Variants in GCSAML observed in about 807,000 individuals in gnomAD.
GCSAML encodes the protein germinal center-associated signaling and motility-like protein.
In GCSAML, 9 loss-of-function variants were observed where a neutral mutation model predicts 13.0. That is an observed-to-expected ratio of 0.69 (90% CI 0.42 to 1.21). GCSAML has a LOEUF of 1.21. GCSAML is among the 50% of genes most tolerant of loss of function. The pLI, the probability that GCSAML is intolerant of heterozygous loss-of-function variation, is 0.00. For missense variants in GCSAML, 143 were observed against 153.4 expected, an observed-to-expected ratio of 0.93 and a Z score of 0.36; for synonymous variants, 37 against 52.9, an observed-to-expected ratio of 0.70 and a Z score of 1.31.
upstream of GCSAML, among the ~76,000 whole-genome samples, chr1:247,546,607 C>T (rs1667587984): frequency 6.6e-6 from 1 of 152,068 alleles, no homozygotes; most frequent in African/African-American, 2.4e-5. Context: ...ATGATCCACC[C>T]GCCTCGGCCT....
chr1:247,539,775 G>A (rs553337613), intron 2 of GCSAML, among the ~76,000 whole-genome samples: 1 of 152,144 alleles, frequency 6.6e-6, no homozygotes, highest in African/African-American at 2.4e-5. Flanking sequence ...TTTTTACAAC[G>A]AATCACCCTG....
At position 247,574,314 on chromosome 1, in the gene GCSAML, A is replaced by G; in HGVS notation, c.340A>G (p.Arg114Gly). ...GTCAGAGACAGAATATGCCCTTCTT[A>G]GGACTTCTGTTAGTAGGCCTTGTTC... ...ERSETEYALL[R>G]TSVSRPCSCT... The change falls in exon 5 of 5, where the codon AGG (arginine) becomes GGG (glycine). Residue 114 changes from arginine (R) to glycine (G), a missense_variant. Transcript: ENST00000366488. 1 of 1,614,010 alleles carries G rather than the reference A, an allele frequency of 6.2e-7. No homozygotes were observed. The highest frequency in any genetic ancestry group is 2.2e-5 in the East Asian group (1 of 44,866).
chr1:247,552,234 G>A (rs1166288141), intron 1 of GCSAML, among the ~76,000 whole-genome samples: 3 of 152,176 alleles, frequency 2.0e-5, no homozygotes, highest in Non-Finnish European at 1.5e-5. Context: ...CAAAGAGATG[G>A]TAAAGAGCTG....
chr1:247,540,889 A>G (rs771306489), intron 2 of GCSAML, among the ~76,000 whole-genome samples: 2 of 152,220 alleles, frequency 1.3e-5, no homozygotes, highest in African/African-American at 4.8e-5. Context: ...CCTGCAAGGA[A>G]AAAAACTCAA....
intron 2 of GCSAML, among the ~76,000 whole-genome samples, chr1:247,562,946 TC>T (rs536682339): frequency 1.9e-4 from 29 of 151,552 alleles, no homozygotes; most frequent in Non-Finnish European, 3.2e-4. Context: ...TTCAAGCAAT[TC>T]CCCTGCCTCA....
At chr1:247,548,007 A>G (rs1667636476), upstream of GCSAML, among the ~76,000 whole-genome samples, 1 of 152,214 alleles carries the variant, frequency 6.6e-6, no homozygotes, top group Non-Finnish European at 1.5e-5. This position sits in a 1 kb window ranked among gnomAD's most constrained non-coding sequence, Gnocchi z 5.3. Context: ...ACTTATAAAT[A>G]ATGATAAAGC....
At chr1:247,520,740 A>C (rs1304395761) in intron 1 of GCSAML, among the ~76,000 whole-genome samples, 2 of 152,170 alleles carry the variant, frequency 1.3e-5, no homozygotes, top group African/African-American at 4.8e-5. Flanking sequence ...CTGTTTCTTC[A>C]AGCAGGACAG....
chr1:247,549,339 G>T, intron 1 of GCSAML, 119 bp downstream of exon 1: 1 of 818,816 alleles, frequency 1.2e-6, no homozygotes, highest in East Asian at 2.6e-5. Context: ...TAAGCCTGAA[G>T]ACAGCATCCT....
chr1:247,556,297 CA>C, intron 1 of GCSAML, 109 bp from the exon 2 acceptor site: 1 of 749,374 alleles, frequency 1.3e-6, no homozygotes. Flanking sequence ...GGAAGTTTGT[CA>C]AAAAGAAAAG....
upstream of GCSAML, among the ~76,000 whole-genome samples, chr1:247,548,771 C>G (rs1667663574): frequency 6.6e-6 from 1 of 152,214 alleles, no homozygotes; most frequent in Non-Finnish European, 1.5e-5. This position sits in a 1 kb window ranked among gnomAD's most constrained non-coding sequence, Gnocchi z 5.3. Context: ...ATGCAACTCT[C>G]TTATTGCATT....
chr1:247,530,497 A>G (rs1015445272), intron 2 of GCSAML: 1 of 146,522 alleles, frequency 6.8e-6, no homozygotes, highest in African/African-American at 2.5e-5. Flanking sequence ...TCCCTGAACC[A>G]GTCCACAAAC....
intron 2 of GCSAML, chr1:247,530,627 T>G (rs1157278231): frequency 6.6e-6 from 1 of 152,144 alleles, no homozygotes; most frequent in African/African-American, 2.4e-5. Flanking sequence ...TCAGAACATC[T>G]AGAAGAAACA....
In GCSAML at chr1:247,549,177, A is replaced by G; in HGVS notation, c.-15A>G. 1.2e-6 allele frequency: 2 copies of G among 1,614,110 alleles called. No individual in the cohort carries two copies. Among genetic ancestry groups the G allele is most frequent in the Non-Finnish European group, 1.7e-6 (2 of 1,179,982 alleles). ...GTGAAACTCAGGAGCTGAGAAACCGAGTCACTGTGAAAAGATGGGAAATTA... is the reference window on the plus strand; with the variant it reads ...GTGAAACTCAGGAGCTGAGAAACCGGGTCACTGTGAAAAGATGGGAAATTA... On this transcript the variant is annotated 5_prime_UTR_variant, in exon 1 of 5. Transcript: ENST00000366488.
Position 247,574,419 on chromosome 1 carries a change from G to T in GCSAML, c.*37G>T. ...TGCTTTATCACCTTCCAGCAATGAA[G>T]ACAATGCAGAATAGCAGACTCTGGC... On this transcript the variant is annotated 3_prime_UTR_variant, in exon 5 of 5. Coordinates refer to ENST00000366488, the MANE Select transcript of GCSAML (RefSeq NM_145278.5). The T allele has an allele frequency of 6.2e-7, 1 of 1,608,006 alleles. No individual in the cohort carries two copies. Among genetic ancestry groups the T allele is most frequent in the Non-Finnish European group, 8.5e-7 (1 of 1,176,772 alleles).
intron 2 of GCSAML, among the ~76,000 whole-genome samples, chr1:247,537,546 C>T (rs911848908): frequency 2.0e-5 from 3 of 152,230 alleles, no homozygotes; most frequent in Admixed American, 1.3e-4. Flanking sequence ...CTATGAACAA[C>T]TTACTATTGA....
chr1:247,520,601 C>A (rs548178675), intron 1 of GCSAML, among the ~76,000 whole-genome samples: 1 of 152,116 alleles, frequency 6.6e-6, no homozygotes, highest in Non-Finnish European at 1.5e-5. Context: ...GTACTACAAA[C>A]TTCCCAGAAG....
At chr1:247,562,087 G>A (rs1171749016) in intron 2 of GCSAML, among the ~76,000 whole-genome samples, 1 of 152,178 alleles carries the variant, frequency 6.6e-6, no homozygotes. Flanking sequence ...AATACATGGA[G>A]ATTATAGTTT....
intron 1 of GCSAML, among the ~76,000 whole-genome samples, chr1:247,509,974 G>C (rs1572273068): frequency 1.3e-5 from 2 of 152,062 alleles, no homozygotes; most frequent in East Asian, 3.9e-4. Context: ...TTTTTTTGTT[G>C]TGTCTCTGTG....
chr1:247,515,822 A>T (rs1648004392), intron 1 of GCSAML, among the ~76,000 whole-genome samples: 1 of 152,208 alleles, frequency 6.6e-6, no homozygotes, highest in Non-Finnish European at 1.5e-5. Context: ...CCTCCAATTC[A>T]ACATGAGATT....
Sources: allele counts gnomAD v4.1 joint callset (sites outside exome capture counted in the v4.1 genomes callset), GRCh38; gene constraint gnomAD v4.1.1; non-coding constraint Gnocchi (gnomAD v3.1); transcripts MANE v1.5; gene names NCBI Gene and HGNC (gene_info 2026-07-23, HGNC 2026-07-21).